CCDC60: variants seen among roughly 807,000 people sequenced by gnomAD.
CCDC60 encodes coiled-coil domain containing 60.
A neutral mutation model predicts 63.5 loss-of-function variants in CCDC60; 54 were observed. The ratio of observed to expected loss-of-function variants is 0.85; its 90% confidence interval spans 0.68 to 1.07. The LOEUF (loss-of-function observed/expected upper bound fraction) is 1.07. Ranked by LOEUF, CCDC60 falls within the 50% of genes least tolerant of loss-of-function variation. The probability of loss-of-function intolerance (pLI) is 0.00; values close to 1 mark genes in which losing one functional copy is unlikely to be tolerated. For synonymous variants in CCDC60, 206 were observed against 238.8 expected (o/e 0.86, Z 1.27); for missense variants, 651 against 684.3 (o/e 0.95, Z 0.54).
chr12:119,436,836 C>T (rs528611175), intron 2 of CCDC60, among the ~76,000 whole-genome samples: 5 of 152,258 alleles, frequency 3.3e-5, no homozygotes, highest in East Asian at 3.9e-4. Flanking sequence ...TGTGCCCGGC[C>T]GAGTGATACC....
At position 119,410,687 on chromosome 12, in the gene CCDC60, C is replaced by A. The variant is rs1331996771; in HGVS notation, c.91-17996C>A. Among the ~76,000 whole-genome samples the A allele has an allele frequency of 6.6e-6, 1 of 152,172 alleles. No individual in the cohort carries two copies. Among genetic ancestry groups the A allele is most frequent in the Admixed American group, 6.5e-5 (1 of 15,276 alleles). On this transcript the variant is annotated intron_variant, in intron 1 of 13. Transcript: ENST00000327554. The surrounding 1 kb of genome is among the most constrained non-coding windows in gnomAD (Gnocchi z 4.0). ...AGAAAAAGTAAAACCCTTTACCTCA[C>A]CCATCACAGTTCTTGGATGATATCC... is the stretch of plus-strand genomic sequence containing the variant.
chr12:119,527,183 G>A (rs979909426), intron 11 of CCDC60, among the ~76,000 whole-genome samples: 29 of 152,066 alleles, frequency 1.9e-4, no homozygotes, highest in African/African-American at 6.8e-4. Flanking sequence ...AATACCACAT[G>A]TTCTCACTTG....
intron 1 of CCDC60, among the ~76,000 whole-genome samples, chr12:119,416,582 G>GA (rs751177711): frequency 8.6e-5 from 13 of 151,962 alleles, no homozygotes; most frequent in Admixed American, 4.6e-4. Flanking sequence ...TTAGGAAGGG[G>GA]AAAAAAATCC....
intron 1 of CCDC60, among the ~76,000 whole-genome samples, chr12:119,345,779 G>A (rs75177975): frequency 0.012 from 1,748 of 151,818 alleles, 31 homozygotes; most frequent in African/African-American, 0.04. Flanking sequence ...CTCACTATCT[G>A]GCTGTATGAC....
intron 2 of CCDC60, among the ~76,000 whole-genome samples, chr12:119,445,882 C>T (rs557728499): frequency 6.6e-6 from 1 of 152,032 alleles, no homozygotes; most frequent in Admixed American, 6.6e-5. Context: ...TATGAGGACG[C>T]AAAGGCATAA....
chr12:119,501,459 TGTTTATTAAACATA>T (rs903655978), intron 6 of CCDC60, among the ~76,000 whole-genome samples: 4 of 152,238 alleles, frequency 2.6e-5, no homozygotes, highest in African/African-American at 9.6e-5. Context: ...ATTCTGGGTC[TGTTTATTAAACATA>T]GTTTATTAAA....
chr12:119,486,890 G>T (rs1951453800), intron 4 of CCDC60, among the ~76,000 whole-genome samples: 1 of 152,118 alleles, frequency 6.6e-6, no homozygotes, highest in Admixed American at 6.6e-5. Flanking sequence ...AAAACACCAG[G>T]CCTAGGAACC....
At chr12:119,528,791 A>G in intron 12 of CCDC60, 45 bp downstream of exon 12, 1 of 1,583,764 alleles carries the variant, frequency 6.3e-7, no homozygotes, top group Non-Finnish European at 8.6e-7. Flanking sequence ...GGAAGAGAAC[A>G]GGGTGTTGTT....
chr12:119,468,669 A>C lies in CCDC60; in HGVS notation c.171-3325A>C, dbSNP rs369417370. Among the ~76,000 whole-genome samples, 5 of 129,148 alleles carry C rather than the reference A, an allele frequency of 3.9e-5. No homozygotes were observed. In the East Asian group the frequency reaches 9.2e-4, roughly 24 times the overall value. The allele number at this position is 129,148 out of a possible 152,430, so 84.7% of individuals were successfully genotyped here. A position where few individuals can be genotyped will look rare whatever the true frequency, so the allele number is the denominator to read the frequency against. On this transcript the variant is annotated intron_variant, in intron 2 of 13. Transcript: ENST00000327554. ...AATCTAAGATATGCCACTAAAAAGA[A>C]AAACTAAACAATGAAAAGAATTTTA...
chr12:119,427,052 ACT>A (rs1307615385), intron 1 of CCDC60, among the ~76,000 whole-genome samples: 1 of 152,096 alleles, frequency 6.6e-6, no homozygotes, highest in African/African-American at 2.4e-5. Flanking sequence ...TTCAAAAAAC[ACT>A]CTCAGTACAA....
At chr12:119,473,871 G>A (rs1306652798) in intron 3 of CCDC60, among the ~76,000 whole-genome samples, 1 of 152,068 alleles carries the variant, frequency 6.6e-6, no homozygotes, top group Non-Finnish European at 1.5e-5. Flanking sequence ...CTCATTGATT[G>A]ATGGGCATTT....
chr12:119,444,651 G>A (rs1172722202), intron 2 of CCDC60, among the ~76,000 whole-genome samples: 1 of 152,190 alleles, frequency 6.6e-6, no homozygotes. Flanking sequence ...CCACAAGGTG[G>A]CGCTGTACAA....
intron 3 of CCDC60, among the ~76,000 whole-genome samples, chr12:119,474,848 G>A (rs760665324): frequency 1.6e-4 from 24 of 151,788 alleles, no homozygotes; most frequent in Admixed American, 6.6e-4. Flanking sequence ...CTCTCTTTAA[G>A]GAAAAAAAAG....
At chr12:119,487,027 G>A (rs1054806042) in intron 4 of CCDC60, among the ~76,000 whole-genome samples, 1 of 152,062 alleles carries the variant, frequency 6.6e-6, no homozygotes, top group Non-Finnish European at 1.5e-5. Flanking sequence ...GGCTGGCCAG[G>A]ACTCCACCTT....
At chr12:119,477,072 C>A (rs1191586342) in intron 3 of CCDC60, among the ~76,000 whole-genome samples, 1 of 152,224 alleles carries the variant, frequency 6.6e-6, no homozygotes, top group African/African-American at 2.4e-5. Context: ...AGACAGCTCA[C>A]TCACATTGGT....
intron 2 of CCDC60, among the ~76,000 whole-genome samples, chr12:119,463,862 G>A (rs1036229858): frequency 6.6e-6 from 1 of 152,236 alleles, no homozygotes; most frequent in East Asian, 1.9e-4. Context: ...GCCTCCTGGA[G>A]TAGGACCCTG....
chr12:119,405,930 G>A (rs1371494876), intron 1 of CCDC60, among the ~76,000 whole-genome samples: 1 of 152,032 alleles, frequency 6.6e-6, no homozygotes, highest in Non-Finnish European at 1.5e-5. Context: ...CCAGCACTTT[G>A]GGAGGCCAAG....
At chr12:119,513,095 T>C (rs1349517760) in intron 7 of CCDC60, among the ~76,000 whole-genome samples, 2 of 152,116 alleles carry the variant, frequency 1.3e-5, no homozygotes, top group East Asian at 3.9e-4. Flanking sequence ...CTACAAACAT[T>C]AGGAAAAAGC....
intron 4 of CCDC60, among the ~76,000 whole-genome samples, chr12:119,483,546 C>T (rs960669813): frequency 4.6e-5 from 7 of 152,234 alleles, no homozygotes; most frequent in African/African-American, 1.7e-4. Flanking sequence ...AGGGCAATGC[C>T]TGCAACCTGT....
Sources: gnomAD v4.1 joint callset for allele counts (sites outside exome capture counted in the v4.1 genomes callset) on GRCh38, gnomAD v4.1.1 for gene constraint, Gnocchi (gnomAD v3.1) non-coding constraint, MANE v1.5 for transcripts, NCBI Gene and HGNC (gene_info 2026-07-23, HGNC 2026-07-21) for gene names.